LRRC75A: variants seen among roughly 807,000 people sequenced by gnomAD.
LRRC75A encodes the protein leucine-rich repeat-containing protein 75A.
LRRC75A carries 12 observed loss-of-function variants against 26.0 expected under a neutral mutation model. The observed-to-expected ratio is 0.46, with a 90% confidence interval of 0.30 to 0.75. The LOEUF (loss-of-function observed/expected upper bound fraction) is 0.75. LRRC75A is among the 30% of genes least tolerant of loss of function. LRRC75A has a pLI of 0.08. For synonymous variants in LRRC75A, 223 were observed against 219.3 expected (o/e 1.02, Z -0.15); for missense variants, 410 against 486.6 (o/e 0.84, Z 1.48).
chr17:16,464,365 T>C (rs879342331), intron 1 of LRRC75A, among the ~76,000 whole-genome samples: 7 of 152,180 alleles, frequency 4.6e-5, no homozygotes, highest in Non-Finnish European at 2.9e-5. Flanking sequence ...CTTTGACCTC[T>C]GGCCCTGCCC....
rs1601152184 is a variant in LRRC75A, at chr17:16,462,219, A to C, written c.375+39T>G. ...CTGCCCAGAAAGGCACCCACCGCAC[A>C]CCCCGGGACCTGGCTGGCTCGGACC... On this transcript the variant is annotated intron_variant, in intron 2 of 3. Coordinates refer to ENST00000470794, the MANE Select transcript of LRRC75A (RefSeq NM_001113567.3). The surrounding 1 kb of genome is among the most constrained non-coding windows in gnomAD (Gnocchi z 4.6). 2 of 1,611,520 alleles carry C rather than the reference A, an allele frequency of 1.2e-6. No individual in the cohort carries two copies. The highest frequency in any genetic ancestry group is 1.7e-6 in the Non-Finnish European group (2 of 1,178,720).
intron 1 of LRRC75A, among the ~76,000 whole-genome samples, chr17:16,465,305 G>A (rs1438368808): frequency 6.6e-6 from 1 of 152,152 alleles, no homozygotes; most frequent in Non-Finnish European, 1.5e-5. Flanking sequence ...TTAGGCCCTG[G>A]CCAGCCCCAA....
chr17:16,460,473 G>A (rs1422875669), intron 2 of LRRC75A, among the ~76,000 whole-genome samples: 1 of 152,088 alleles, frequency 6.6e-6, no homozygotes, highest in African/African-American at 2.4e-5. Context: ...GAGAGGGTGG[G>A]TCCTTCTCCC....
Position 16,452,929 on chromosome 17 carries a change from C to T in LRRC75A, c.376-4969G>A, listed in dbSNP as rs145200232. 3.0e-3 allele frequency among the ~76,000 whole-genome samples: 459 copies of T among 152,196 alleles called. 1 individual carries two copies. The highest frequency in any genetic ancestry group is 0.011 in the African/African-American group (445 of 41,514). On this transcript the variant is annotated intron_variant, in intron 2 of 3. Coordinates refer to ENST00000470794, the MANE Select transcript of LRRC75A (RefSeq NM_001113567.3). ...TGCAGCTCCTCCTTCAATCACTTCC[C>T]AGGGTTTCCAAAATCTGGGGCCAAA...
In LRRC75A at chr17:16,491,164, C is replaced by A. The variant is rs1250849936; in HGVS notation, c.246+581G>T. ...CTGTCTCTACCGCTTTCCGCAGGGG[C>A]TCATGGTTGAGGATCTGCTGAAGTT... On this transcript the variant is annotated intron_variant, in intron 1 of 3. Coordinates refer to ENST00000470794, the MANE Select transcript of LRRC75A (RefSeq NM_001113567.3). This position sits in a 1 kb window ranked among gnomAD's most constrained non-coding sequence, Gnocchi z 5.9. Among the ~76,000 whole-genome samples the A allele has an allele frequency of 6.6e-6, 1 of 152,248 alleles. No homozygotes were observed.
intron 2 of LRRC75A, among the ~76,000 whole-genome samples, chr17:16,459,675 C>A (rs894835999): frequency 3.9e-5 from 6 of 152,212 alleles, no homozygotes; most frequent in Non-Finnish European, 8.8e-5. Context: ...GGTCTTGACA[C>A]CTCTGCCTAT....
intron 1 of LRRC75A, among the ~76,000 whole-genome samples, chr17:16,485,681 T>TGTGTGTGTGC (rs2093845422): frequency 3.0e-4 from 40 of 135,532 alleles, no homozygotes; most frequent in Non-Finnish European, 3.6e-4. Flanking sequence ...CGTGTGTGTG[T>TGTGTGTGTGC]GTGTGTGTGT....
intron 1 of LRRC75A, among the ~76,000 whole-genome samples, chr17:16,486,681 C>T (rs931241202): frequency 1.3e-5 from 2 of 152,216 alleles, no homozygotes; most frequent in East Asian, 1.9e-4. Flanking sequence ...GATGGGATCC[C>T]GTAGTGCCAC....
At chr17:16,449,923 C>T (rs535044660) in intron 2 of LRRC75A, among the ~76,000 whole-genome samples, 1 of 152,284 alleles carries the variant, frequency 6.6e-6, no homozygotes, top group Admixed American at 6.5e-5. Flanking sequence ...AGGCTGAGCT[C>T]AGCTTTTAAG....
In LRRC75A at chr17:16,491,765, G is replaced by A; in HGVS notation, c.226C>T (p.Leu76=). Residue 76 remains leucine (L), a synonymous_variant, in exon 1 of 4, where the codon CTG becomes TTG. Transcript: ENST00000470794. This position sits in a 1 kb window ranked among gnomAD's most constrained non-coding sequence, Gnocchi z 5.9. ...CTCACCTGGCGCAGGTGCTGCAGCA[G>A]CGTCCCCGCCTCCTCCCGCCGGCCC... ...RQGRREEAGT[L]LQHLRQDLGM... is the part of the protein sequence containing the mutation. 2 of 1,423,516 alleles carry A rather than the reference G, an allele frequency of 1.4e-6. No individual in the cohort carries two copies. The highest frequency in any genetic ancestry group is 3.2e-5 in the East Asian group (1 of 31,038). The allele number at this position is 1,423,516 out of a possible 1,614,324, so 88.2% of individuals were successfully genotyped here.
chr17:16,444,314 G>GA (rs2093561822), intron 3 of LRRC75A, among the ~76,000 whole-genome samples, 183 bp from the exon 4 acceptor site: 2 of 152,228 alleles, frequency 1.3e-5, no homozygotes, highest in Non-Finnish European at 2.9e-5. Flanking sequence ...TGACACTGCC[G>GA]CACGTCTCAG....
intron 1 of LRRC75A, among the ~76,000 whole-genome samples, chr17:16,478,110 A>T (rs1342321806): frequency 6.6e-6 from 1 of 150,852 alleles, no homozygotes; most frequent in African/African-American, 2.4e-5. Context: ...AGAGACTTAG[A>T]GCATTTTGCT....
In LRRC75A at chr17:16,462,510, C is replaced by T; in HGVS notation, c.247-124G>A. On this transcript the variant is annotated intron_variant, in intron 1 of 3. Coordinates refer to ENST00000470794, the MANE Select transcript of LRRC75A (RefSeq NM_001113567.3). The surrounding 1 kb of genome is among the most constrained non-coding windows in gnomAD (Gnocchi z 4.6). The stretch of plus-strand genomic sequence containing the variant: ...TGCCTCCCAGAGCCCCGGTGGGGAG[C>T]ATCTGCAGAACTTCCCTCAGGGGCT... 1.5e-6 allele frequency: 2 copies of T among 1,314,692 alleles called. No individual in the cohort carries two copies. The highest frequency in any genetic ancestry group is 2.1e-6 in the Non-Finnish European group (2 of 966,778). The allele number at this position is 1,314,692 out of a possible 1,614,324, so 81.4% of individuals were successfully genotyped here.
intron 1 of LRRC75A, among the ~76,000 whole-genome samples, chr17:16,472,100 T>C (rs551162050): frequency 6.6e-5 from 10 of 152,262 alleles, no homozygotes; most frequent in African/African-American, 1.2e-4. Flanking sequence ...AAAATAGTGC[T>C]GAGCTCACTG....
At chr17:16,457,280 AC>A (rs1364120465) in intron 2 of LRRC75A, among the ~76,000 whole-genome samples, 4 of 152,080 alleles carry the variant, frequency 2.6e-5, no homozygotes, top group Non-Finnish European at 5.9e-5. Flanking sequence ...ATTACACTGG[AC>A]ACCATTCCAG....
At chr17:16,469,204 A>G (rs2093791807) in intron 1 of LRRC75A, among the ~76,000 whole-genome samples, 1 of 152,194 alleles carries the variant, frequency 6.6e-6, no homozygotes, top group Non-Finnish European at 1.5e-5. Flanking sequence ...TTTCACATCC[A>G]GCATCACCGC....
Position 16,445,037 on chromosome 17 carries a change from C to CG in LRRC75A, c.492-907dup, listed in dbSNP as rs2093570098. ...CTAATTTTTGTATTTTTAGTAGAGACGGGGTTTCACCATGTTGGCCAGACT... is the reference window on the plus strand; with the variant it reads ...CTAATTTTTGTATTTTTAGTAGAGACGGGGGTTTCACCATGTTGGCCAGACT... On this transcript the variant is annotated intron_variant, in intron 3 of 3. Coordinates refer to ENST00000470794, the MANE Select transcript of LRRC75A (RefSeq NM_001113567.3). 2.0e-5 allele frequency among the ~76,000 whole-genome samples: 3 copies of CG among 148,940 alleles called. No individual in the cohort carries two copies. The South Asian group carries it at 6.4e-4, about 32-fold the overall frequency.
intron 2 of LRRC75A, among the ~76,000 whole-genome samples, chr17:16,458,900 CTG>C (rs1435880890): frequency 1.3e-5 from 2 of 152,210 alleles, no homozygotes; most frequent in African/African-American, 4.8e-5. Context: ...CAATAAATGT[CTG>C]TTGTTTTAAG....
chr17:16,442,496 T>A lies in LRRC75A; in HGVS notation c.*1092A>T, dbSNP rs1214203620. 2 of 152,210 alleles carry A rather than the reference T, an allele frequency of 1.3e-5. No homozygotes were observed. Among genetic ancestry groups the A allele is most frequent in the African/African-American group, 4.8e-5 (2 of 41,446 alleles). 9.4% of individuals were successfully genotyped at this position (152,210 alleles called of 1,614,324 possible). A position where few individuals can be genotyped will look rare whatever the true frequency, so the allele number is the denominator to read the frequency against. On this transcript the variant is annotated 3_prime_UTR_variant, in exon 4 of 4. Coordinates refer to ENST00000470794, the MANE Select transcript of LRRC75A (RefSeq NM_001113567.3). Reference sequence around the variant, plus strand: ...CCCTTAACTGGTAGGGCCCTTTCAGTAGGACAGTATTTGGGTAAGGGGAGG... The same window carrying A: ...CCCTTAACTGGTAGGGCCCTTTCAGAAGGACAGTATTTGGGTAAGGGGAGG...
Sources: allele counts gnomAD v4.1 joint callset (sites outside exome capture counted in the v4.1 genomes callset), GRCh38; gene constraint gnomAD v4.1.1; non-coding constraint Gnocchi (gnomAD v3.1); transcripts MANE v1.5; gene names NCBI Gene and HGNC (gene_info 2026-07-23, HGNC 2026-07-21).